The following DDRGK1 variants were observed in gnomAD, a reference collection of about 807,000 sequenced individuals.
DDRGK1 encodes DDRGK domain containing 1.
In DDRGK1, 38 loss-of-function variants were observed where a neutral mutation model predicts 45.8. The observed-to-expected ratio is 0.83, with a 90% CI of 0.64 to 1.09. DDRGK1 has a LOEUF of 1.09. DDRGK1 is among the 50% of genes least tolerant of loss of function. DDRGK1 has a pLI of 0.00. For missense variants in DDRGK1, 403 were observed against 419.9 expected, an observed-to-expected ratio of 0.96 and a Z score of 0.35; for synonymous variants, 171 against 168.7, an observed-to-expected ratio of 1.01 and a Z score of -0.11.
chr20:3,200,561 C>G, intron 2 of DDRGK1, 107 bp from the exon 3 acceptor site: 1 of 972,412 alleles, frequency 1.0e-6, no homozygotes, highest in South Asian at 1.5e-5. Context: ...CCCTTCCACC[C>G]ACCTGCAAAT....
In DDRGK1 at chr20:3,204,470, G is replaced by T; in HGVS notation, c.91+67C>A. On this transcript the variant is annotated intron_variant, in intron 1 of 8. Transcript: ENST00000354488. ...GCACGCGCAGGAGCCGCGGCGCGACGGTCCACAAAGGCTCAGAAGGCCAGA... is the reference window on the plus strand; with the variant it reads ...GCACGCGCAGGAGCCGCGGCGCGACTGTCCACAAAGGCTCAGAAGGCCAGA... 3 of 1,468,082 alleles carry T rather than the reference G, an allele frequency of 2.0e-6. No homozygotes were observed. The South Asian group carries it at 3.7e-5, about 18-fold the overall frequency. The allele number at this position is 1,468,082 out of a possible 1,614,324, so 90.9% of individuals were successfully genotyped here.
intron 7 of DDRGK1, 46 bp downstream of exon 7, chr20:3,191,719 G>C (rs1280385728): frequency 1.9e-6 from 3 of 1,569,106 alleles, no homozygotes; most frequent in African/African-American, 2.7e-5. Context: ...GCTAGCCACA[G>C]ACCCCTGGCC....
intron 4 of DDRGK1, among the ~76,000 whole-genome samples, chr20:3,199,014 G>GTGC (rs1210299136): frequency 6.7e-6 from 1 of 150,158 alleles, no homozygotes. Flanking sequence ...AGGCATGGTG[G>GTGC]TGCACACCTA....
Position 3,204,571 on chromosome 20 carries a change from G to A in DDRGK1, c.57C>T (p.Leu19=), listed in dbSNP as rs775641395. The change falls in exon 1 of 9, where the codon CTC becomes CTT. Residue 19 remains leucine, a synonymous_variant. Coordinates refer to ENST00000354488, the MANE Select transcript of DDRGK1 (RefSeq NM_023935.3). ...CCCGGCCCCGGCTGCGAGTCAGGAA[G>A]AGGATAAAGCCGACTAGCAGAGCCG... is the stretch of plus-strand genomic sequence containing the variant. ...VAAALLVGFI[L]FLTRSRGRAA... The A allele has an allele frequency of 6.3e-7, 1 of 1,580,084 alleles. No homozygotes were observed. Among genetic ancestry groups the A allele is most frequent in the Non-Finnish European group, 8.6e-7 (1 of 1,168,882 alleles).
intron 4 of DDRGK1, among the ~76,000 whole-genome samples, chr20:3,196,570 A>G (rs1276663539): frequency 3.3e-5 from 5 of 151,524 alleles, no homozygotes; most frequent in Non-Finnish European, 5.9e-5. Flanking sequence ...AGTCCCAGCT[A>G]CTCGGGAGGC....
In DDRGK1 at chr20:3,203,269, G is replaced by T. The variant is rs1300927256; in HGVS notation, c.239C>A (p.Ala80Asp). The T allele has an allele frequency of 6.2e-7, 1 of 1,606,914 alleles. No individual in the cohort carries two copies. The highest frequency in any genetic ancestry group is 8.5e-7 in the Non-Finnish European group (1 of 1,175,906). The change falls in exon 2 of 9, where the codon GCC (alanine) becomes GAC (aspartate). Residue 80 changes from alanine (A) to aspartate (D), a missense_variant. By Grantham distance (126) the Ala-to-Asp change is moderately radical (BLOSUM62 -2). Transcript: ENST00000354488. ...LGSRLQAQRR[A>D]QRVAWAEADE... Reference sequence around the variant, plus strand: ...TGCTTCTGCCCAGGCCACCCGCTGGGCTCGACGCTGGGCCTGTAGGCGGCT... The same window carrying T: ...TGCTTCTGCCCAGGCCACCCGCTGGTCTCGACGCTGGGCCTGTAGGCGGCT...
chr20:3,194,220 GC>G (rs2067000469), intron 6 of DDRGK1, among the ~76,000 whole-genome samples: 1 of 152,002 alleles, frequency 6.6e-6, no homozygotes, highest in Non-Finnish European at 1.5e-5. Flanking sequence ...CCTTCCCTCA[GC>G]CGCCTCTGCA....
At chr20:3,204,264 C>T (rs2067055346) in intron 1 of DDRGK1, among the ~76,000 whole-genome samples, 1 of 152,188 alleles carries the variant, frequency 6.6e-6, no homozygotes, top group Non-Finnish European at 1.5e-5. Flanking sequence ...CCGGCCAGGG[C>T]CTCAGGCCTT....
chr20:3,200,929 T>A lies in DDRGK1; in HGVS notation c.296-475A>T, dbSNP rs143600950. Among the ~76,000 whole-genome samples the A allele has an allele frequency of 2.4e-4, 37 of 152,170 alleles. 1 individual carries two copies. In the East Asian group the frequency reaches 5.8e-3, roughly 24 times the overall value. ...ATCGAGATCATCCTGGCTAACATGG[T>A]GAAACCTCATCTCTACTAAAAATAC... On this transcript the variant is annotated intron_variant, in intron 2 of 8. Coordinates refer to ENST00000354488, the MANE Select transcript of DDRGK1 (RefSeq NM_023935.3).
At chr20:3,198,706 A>G (rs2067022739) in intron 4 of DDRGK1, among the ~76,000 whole-genome samples, 1 of 144,118 alleles carries the variant, frequency 6.9e-6, no homozygotes, top group Non-Finnish European at 1.5e-5. Context: ...GTTTCAAAAA[A>G]AAAAAAAAAA....
intron 8 of DDRGK1, 85 bp from the exon 9 acceptor site, chr20:3,190,904 T>C: frequency 6.6e-7 from 1 of 1,507,396 alleles, no homozygotes; most frequent in Non-Finnish European, 8.9e-7. Context: ...CCTTCACAGC[T>C]GGCTCAGGGC....
At chr20:3,196,508 TCC>T (rs1280595458) in intron 4 of DDRGK1, among the ~76,000 whole-genome samples, 1,665 of 82,542 alleles carry the variant, frequency 0.02, 18 homozygotes, top group Non-Finnish European at 0.032. Context: ...AAACCCTGTC[TCC>T]ACTAAAAATA....
At position 3,200,071 on chromosome 20, in the gene DDRGK1, C is replaced by A; in HGVS notation, c.440G>T (p.Arg147Leu). The change falls in exon 4 of 9, where the codon CGA becomes CTA. Residue 147 changes from arginine to leucine, a missense_variant. Arg to Leu is a moderately radical substitution (Grantham distance 102, BLOSUM62 -2). Transcript: ENST00000354488. Reference protein sequence around the residue: ...AEEAEREERKRLESQREAEWK... With the variant: ...AEEAEREERKLLESQREAEWK... ...CTCAGCTTCGCGCTGGGACTCGAGTCGTTTCCGCTCCTCACGTTCAGCCTC... is the reference window on the plus strand; with the variant it reads ...CTCAGCTTCGCGCTGGGACTCGAGTAGTTTCCGCTCCTCACGTTCAGCCTC... 6.2e-7 allele frequency: 1 copy of A among 1,613,858 alleles called. No individual in the cohort carries two copies. Among genetic ancestry groups the A allele is most frequent in the South Asian group, 1.1e-5 (1 of 91,022 alleles).
chr20:3,200,241 C>A, intron 3 of DDRGK1, 101 bp downstream of exon 3: 1 of 1,457,394 alleles, frequency 6.9e-7, no homozygotes, highest in Non-Finnish European at 9.3e-7. Context: ...AAGCAGCAAA[C>A]ACCAGCCCAG....
chr20:3,191,942 C>T lies in DDRGK1; in HGVS notation c.673-121G>A, dbSNP rs1038563953. 18 of 839,710 alleles carry T rather than the reference C, an allele frequency of 2.1e-5. No individual in the cohort carries two copies. The East Asian group carries it at 4.0e-4, about 19-fold the overall frequency. 52.0% of individuals were successfully genotyped at this position (839,710 alleles called of 1,614,324 possible). A position where few individuals can be genotyped will look rare whatever the true frequency, so the allele number is the denominator to read the frequency against. ...TCTCGGTGGCTGGAAAAACACTGTA[C>T]ACACTCCTGTAGGACAGCCTTGCTC... On this transcript the variant is annotated intron_variant, in intron 6 of 8. Transcript: ENST00000354488.
At chr20:3,201,161 G>A (rs1490490636) in intron 2 of DDRGK1, among the ~76,000 whole-genome samples, 2 of 151,654 alleles carry the variant, frequency 1.3e-5, no homozygotes, top group Admixed American at 1.3e-4. Flanking sequence ...GCGGGTGCCT[G>A]TAGTCCCAGC....
rs751037044 is a variant in DDRGK1, at chr20:3,190,742, G to A, written c.856C>T (p.Arg286Trp). 3.0e-5 allele frequency: 48 copies of A among 1,613,994 alleles called. No individual in the cohort carries two copies. Among genetic ancestry groups the A allele is most frequent in the Middle Eastern group, 1.6e-4 (1 of 6,078 alleles). The change falls in exon 9 of 9, where the codon CGG becomes TGG. Residue 286 changes from arginine to tryptophan, a missense_variant. Arg to Trp is a moderately radical substitution (Grantham distance 101). Coordinates refer to ENST00000354488, the MANE Select transcript of DDRGK1 (RefSeq NM_023935.3). ...LAAVANFIRQ[R>W]GRVSIAELAQ... ...AGCTCGGCGATGGACACCCGGCCCC[G>A]CTGTCGGATGAAGTTGGCCACGGCG...
At chr20:3,196,492 A>C (rs1474789925) in intron 4 of DDRGK1, among the ~76,000 whole-genome samples, 1 of 147,758 alleles carries the variant, frequency 6.8e-6, no homozygotes, top group Non-Finnish European at 1.5e-5. Context: ...CCTGGCTAAC[A>C]CGGTGAAACC....
At chr20:3,198,402 C>CA (rs34379071) in intron 4 of DDRGK1, among the ~76,000 whole-genome samples, 32,183 of 75,172 alleles carry the variant, frequency 0.43, 5,577 homozygotes, top group South Asian at 0.54. Flanking sequence ...GACTCTGTCT[C>CA]AAAAAAAAAA....
Sources: gnomAD v4.1 joint callset for allele counts (sites outside exome capture counted in the v4.1 genomes callset) on GRCh38, gnomAD v4.1.1 for gene constraint, MANE v1.5 for transcripts, NCBI Gene and HGNC (gene_info 2026-07-23, HGNC 2026-07-21) for gene names.